Variants in RIMKLB observed in about 807,000 individuals in gnomAD.
The protein encoded by RIMKLB is ribosomal modification protein rimK like family member B.
RIMKLB carries 7 observed loss-of-function variants against 32.0 expected under a neutral mutation model. The ratio of observed to expected loss-of-function variants is 0.22; its 90% CI spans 0.12 to 0.41. The LOEUF (loss-of-function observed/expected upper bound fraction) is 0.41, where lower values mean the gene tolerates loss of function less well. Among genes scored for constraint, RIMKLB ranks in the 10% least tolerant of loss-of-function variants. The pLI is 1.00. For synonymous variants in RIMKLB, 172 were observed against 185.1 expected, an observed-to-expected ratio of 0.93 and a Z score of 0.57; for missense variants, 289 against 498.7, an observed-to-expected ratio of 0.58 and a Z score of 4.00.
chr12:8,697,613 T>C (rs1942951179), upstream of RIMKLB: 6 of 179,584 alleles, frequency 3.3e-5, no homozygotes, highest in South Asian at 2.7e-4. Flanking sequence ...CCCATCCGTT[T>C]CCCTTTCTCA....
At chr12:8,731,919 C>G (rs1946582975) in intron 2 of RIMKLB, among the ~76,000 whole-genome samples, 1 of 152,080 alleles carries the variant, frequency 6.6e-6, no homozygotes, top group South Asian at 2.1e-4. Flanking sequence ...CTCTTGATTA[C>G]TAAGTTTATT....
At chr12:8,741,009 C>A (rs1947460797) in intron 2 of RIMKLB, among the ~76,000 whole-genome samples, 1 of 152,106 alleles carries the variant, frequency 6.6e-6, no homozygotes, top group Non-Finnish European at 1.5e-5. Context: ...GAGTTCGAGA[C>A]CAGCCTGGCC....
chr12:8,714,392 A>G (rs915385115), intron 2 of RIMKLB, among the ~76,000 whole-genome samples: 6 of 152,184 alleles, frequency 3.9e-5, no homozygotes, highest in African/African-American at 1.4e-4. Context: ...AAATAAAAGT[A>G]AAGATGATTC....
chr12:8,776,234 T>A lies in RIMKLB; in HGVS notation c.*2450T>A. The A allele has an allele frequency of 1.0e-6, 1 of 979,742 alleles. No individual in the cohort carries two copies. Among genetic ancestry groups the A allele is most frequent in the Non-Finnish European group, 1.2e-6 (1 of 824,850 alleles). The allele number at this position is 979,742 out of a possible 1,614,324, so 60.7% of individuals were successfully genotyped here. A position where few individuals can be genotyped will look rare whatever the true frequency, so the allele number is the denominator to read the frequency against. Reference sequence around the variant, plus strand: ...TGTGAAATTAGTTCATTAGCTTTATTCACTATTATGCATTCACATGATATT... The same window carrying A: ...TGTGAAATTAGTTCATTAGCTTTATACACTATTATGCATTCACATGATATT... On this transcript the variant is annotated 3_prime_UTR_variant, in exon 6 of 6. Coordinates refer to ENST00000535829, the MANE Select transcript of RIMKLB (RefSeq NM_001297776.2).
chr12:8,729,307 G>A (rs1040715425), intron 2 of RIMKLB, among the ~76,000 whole-genome samples: 1 of 152,090 alleles, frequency 6.6e-6, no homozygotes, highest in African/African-American at 2.4e-5. Flanking sequence ...TTTTGCTGCA[G>A]ATGAAAGTGG....
At chr12:8,731,818 A>G (rs1022058962) in intron 2 of RIMKLB, among the ~76,000 whole-genome samples, 1 of 152,036 alleles carries the variant, frequency 6.6e-6, no homozygotes, top group African/African-American at 2.4e-5. Context: ...GCGAGGATAT[A>G]TATTTTATCC....
At chr12:8,728,099 T>C (rs1946203416) in intron 2 of RIMKLB, among the ~76,000 whole-genome samples, 1 of 152,180 alleles carries the variant, frequency 6.6e-6, no homozygotes, top group Admixed American at 6.5e-5. Flanking sequence ...ACTAGTTCTT[T>C]CTTACAATTC....
At chr12:8,757,185 A>G (rs1202302820) in intron 5 of RIMKLB, among the ~76,000 whole-genome samples, 1 of 152,166 alleles carries the variant, frequency 6.6e-6, no homozygotes, top group Non-Finnish European at 1.5e-5. Flanking sequence ...GGAACTTTAG[A>G]AAGTAACTTA....
upstream of RIMKLB, among the ~76,000 whole-genome samples, chr12:8,680,988 C>CTTT (rs149951264): frequency 0.028 from 4,036 of 145,658 alleles, 170 homozygotes; most frequent in African/African-American, 0.095. Context: ...CAGGTCTGGT[C>CTTT]TTTTTTTTTT....
At chr12:8,782,930 G>C (rs775573594) in exon 8 of RIMKLB, 2 of 152,162 alleles carry the variant, frequency 1.3e-5, no homozygotes, top group Non-Finnish European at 2.9e-5. Flanking sequence ...GAAGTAACCA[G>C]TGATCTTTTT....
rs56912350 is a variant in RIMKLB, at chr12:8,774,572, C to CTTTT, written c.*801_*804dup. 5.6e-6 allele frequency: 5 copies of CTTTT among 889,842 alleles called. No individual in the cohort carries two copies. The highest frequency in any genetic ancestry group is 6.6e-6 in the Non-Finnish European group (5 of 762,990). 55.1% of individuals were successfully genotyped at this position (889,842 alleles called of 1,614,324 possible). On this transcript the variant is annotated 3_prime_UTR_variant, in exon 6 of 6. Transcript: ENST00000535829. ...TGAAAGATGTGCTCTGTTAATGTTGCTTTTTTTTTTTTTTTTAATACATGC... is the reference window on the plus strand; with the variant it reads ...TGAAAGATGTGCTCTGTTAATGTTGCTTTTTTTTTTTTTTTTTTTTAATACATGC...
At chr12:8,732,629 A>G (rs905154868) in intron 2 of RIMKLB, among the ~76,000 whole-genome samples, 3 of 152,192 alleles carry the variant, frequency 2.0e-5, no homozygotes, top group Non-Finnish European at 2.9e-5. Context: ...GCGTATCCTA[A>G]GAGTCAAAAA....
chr12:8,719,541 G>C (rs1302912743), intron 2 of RIMKLB, among the ~76,000 whole-genome samples: 3 of 152,142 alleles, frequency 2.0e-5, no homozygotes, highest in Admixed American at 6.5e-5. Context: ...GCTGATTTTT[G>C]TATTTTTAGT....
At position 8,773,617 on chromosome 12, in the gene RIMKLB, G is replaced by C; in HGVS notation, c.994G>C (p.Glu332Gln). ...CACTGCCAGTGAGACTAGTGAGCCG[G>C]AGCTGGGTCCCCCAGCCAGCACTGC... The part of the protein sequence containing the change: ...VSTASETSEP[E>Q]LGPPASTAVD... Residue 332 changes from glutamate (E) to glutamine (Q), a missense_variant, in exon 6 of 6, where the codon GAG becomes CAG. Physicochemically the swap from Glu to Gln is conservative, Grantham distance 29. This residue lies in a region of RIMKLB where 99 missense variants were observed against 133.9 expected (regional missense o/e 0.74). Transcript: ENST00000535829. The C allele has an allele frequency of 6.2e-7, 1 of 1,614,228 alleles. No homozygotes were observed. The highest frequency in any genetic ancestry group is 8.5e-7 in the Non-Finnish European group (1 of 1,180,042).
At chr12:8,770,811 C>T (rs1239423850) in intron 5 of RIMKLB, among the ~76,000 whole-genome samples, 1 of 152,132 alleles carries the variant, frequency 6.6e-6, no homozygotes, top group African/African-American at 2.4e-5. Context: ...CCCACCTCAC[C>T]CCCTTCAGAC....
chr12:8,706,025 A>G (rs1943846244), intron 1 of RIMKLB, among the ~76,000 whole-genome samples: 1 of 152,204 alleles, frequency 6.6e-6, no homozygotes, highest in South Asian at 2.1e-4. Context: ...TGTATAGACT[A>G]TTGTTTGCCC....
At chr12:8,782,006 GCTTTTTTTTTTTTTCCTTTTTTCCT>G (rs1424244540), downstream of RIMKLB, among the ~76,000 whole-genome samples, 3 of 148,406 alleles carry the variant, frequency 2.0e-5, no homozygotes, top group Non-Finnish European at 4.4e-5. Flanking sequence ...TCTTATTTCA[GCTTTTTTTTTTTTTCCTTTTTTCCT>G]TGAGACAGGG....
In RIMKLB at chr12:8,741,185, G is replaced by A. The variant is rs996421167; in HGVS notation, c.176-8677G>A. Among the ~76,000 whole-genome samples, 7 of 151,822 alleles carry A rather than the reference G, an allele frequency of 4.6e-5. No homozygotes were observed. In the South Asian group the frequency reaches 6.2e-4, roughly 14 times the overall value. ...TGAGCCACTGCACTCCAGCCTGGGC[G>A]ACAGAGGGAGACTCTGTCAAAAAAG... On this transcript the variant is annotated intron_variant, in intron 2 of 5. Coordinates refer to ENST00000535829, the MANE Select transcript of RIMKLB (RefSeq NM_001297776.2).
chr12:8,757,387 G>T (rs1949130101), intron 5 of RIMKLB, among the ~76,000 whole-genome samples: 1 of 150,008 alleles, frequency 6.7e-6, no homozygotes, highest in Admixed American at 6.7e-5. Context: ...AATTAAATAA[G>T]CCAGACGTGG....
Sources: gnomAD v4.1 joint callset for allele counts (sites outside exome capture counted in the v4.1 genomes callset) on GRCh38, gnomAD v4.1.1 for gene constraint, gnomAD v4.1.1 regional missense constraint, MANE v1.5 for transcripts, NCBI Gene and HGNC (gene_info 2026-07-23, HGNC 2026-07-21) for gene names.